Variants in PDE6D observed in about 807,000 individuals in gnomAD.
PDE6D encodes the protein phosphodiesterase 6D, also known as retinal rod rhodopsin-sensitive cGMP 3',5'-cyclic phosphodiesterase subunit delta.
A neutral mutation model predicts 21.9 loss-of-function variants in PDE6D; 10 were observed. That is an observed-to-expected ratio of 0.46 (90% CI 0.28 to 0.78). The LOEUF (loss-of-function observed/expected upper bound fraction) is 0.78, where lower values mean the gene tolerates loss of function less well. Ranked by LOEUF, PDE6D falls within the 30% of genes least tolerant of loss-of-function variation. The pLI is 0.12. For missense variants in PDE6D, 139 were observed against 184.8 expected (o/e 0.75, Z 1.44); for synonymous variants, 59 against 63.5 (o/e 0.93, Z 0.34).
chr2:231,771,296 T>A (rs2049013978), intron 1 of PDE6D, among the ~76,000 whole-genome samples: 1 of 152,040 alleles, frequency 6.6e-6, no homozygotes, highest in African/African-American at 2.4e-5. Flanking sequence ...AAACTCAAAA[T>A]TAATAATACA....
At chr2:231,737,324 G>A in intron 3 of PDE6D, 32 bp from the exon 4 acceptor site, 5 of 1,204,466 alleles carry the variant, frequency 4.2e-6, no homozygotes, top group Non-Finnish European at 6.2e-6. Flanking sequence ...GGGGTGAGCA[G>A]GTGCCCCAGT....
intron 1 of PDE6D, chr2:231,768,567 T>C (rs2048990922): frequency 6.6e-6 from 1 of 152,130 alleles, no homozygotes; most frequent in African/African-American, 2.4e-5. Context: ...TTTGTATTTT[T>C]AGTAGAGACA....
intron 1 of PDE6D, among the ~76,000 whole-genome samples, chr2:231,765,477 T>C (rs921603700): frequency 6.6e-6 from 1 of 152,184 alleles, no homozygotes; most frequent in Admixed American, 6.5e-5. Flanking sequence ...ATTCATGACT[T>C]GACAGAGTAC....
chr2:231,770,510 G>T (rs1285436226), intron 1 of PDE6D, among the ~76,000 whole-genome samples: 1 of 152,106 alleles, frequency 6.6e-6, no homozygotes, highest in Non-Finnish European at 1.5e-5. Flanking sequence ...AATAAATCTG[G>T]CTGTGACTTA....
chr2:231,741,138 A>G (rs1054981696), intron 1 of PDE6D, among the ~76,000 whole-genome samples: 59 of 138,032 alleles, frequency 4.3e-4, no homozygotes, highest in African/African-American at 1.6e-3. Context: ...AAAAAAAAAA[A>G]GGGTGTAGCA....
intron 3 of PDE6D, 105 bp from the exon 4 acceptor site, chr2:231,737,397 C>A (rs1374682736): frequency 3.3e-6 from 2 of 603,204 alleles, no homozygotes; most frequent in South Asian, 2.1e-5. Context: ...CTGAGAACCA[C>A]CAAAGGAAGC....
Position 231,781,119 on chromosome 2 carries a change from C to T in PDE6D, c.-5G>A. The T allele has an allele frequency of 6.2e-7, 1 of 1,611,282 alleles. No individual in the cohort carries two copies. Among genetic ancestry groups the T allele is most frequent in the East Asian group, 2.2e-5 (1 of 44,812 alleles). ...CCGCTCGTCCTTGGCTGACATGATG[C>T]GGCGGTCGCCGCCCGCGGCTTTCTC... On this transcript the variant is annotated 5_prime_UTR_variant, in exon 1 of 5. Coordinates refer to ENST00000287600, the MANE Select transcript of PDE6D (RefSeq NM_002601.4).
chr2:231,764,337 T>C (rs1044143403), intron 1 of PDE6D, among the ~76,000 whole-genome samples: 9 of 152,186 alleles, frequency 5.9e-5, no homozygotes, highest in Non-Finnish European at 7.4e-5. Context: ...ATTGCACCAC[T>C]GCACTACAGC....
At chr2:231,742,315 G>T (rs2048756143) in intron 1 of PDE6D, among the ~76,000 whole-genome samples, 1 of 152,042 alleles carries the variant, frequency 6.6e-6, no homozygotes, top group Admixed American at 6.6e-5. Context: ...TGGAGATGGG[G>T]TTTCTCCATG....
intron 1 of PDE6D, among the ~76,000 whole-genome samples, chr2:231,769,214 C>T (rs942322950): frequency 2.6e-5 from 4 of 152,128 alleles, no homozygotes; most frequent in South Asian, 2.1e-4. Flanking sequence ...TGATATGCCA[C>T]GTACAGATTC....
intron 4 of PDE6D, among the ~76,000 whole-genome samples, chr2:231,736,806 C>G (rs1315162474): frequency 6.6e-6 from 1 of 152,122 alleles, no homozygotes; most frequent in Non-Finnish European, 1.5e-5. Flanking sequence ...CAGTCTCCTT[C>G]CATGTCATCA....
intron 1 of PDE6D, among the ~76,000 whole-genome samples, chr2:231,777,192 T>C (rs945481982): frequency 1.3e-5 from 2 of 152,126 alleles, no homozygotes; most frequent in African/African-American, 2.4e-5. Flanking sequence ...AGAGGTAGGG[T>C]GAGATGGGGT....
chr2:231,774,772 G>A (rs2049041331), intron 1 of PDE6D, among the ~76,000 whole-genome samples: 1 of 151,808 alleles, frequency 6.6e-6, no homozygotes, highest in Admixed American at 6.6e-5. Context: ...TGTATTTTTA[G>A]TAGAGACGGG....
intron 1 of PDE6D, among the ~76,000 whole-genome samples, chr2:231,742,035 C>CT (rs745879222): frequency 6.6e-6 from 1 of 151,926 alleles, no homozygotes; most frequent in Non-Finnish European, 1.5e-5. Context: ...AATAAATAAG[C>CT]TAAAAAGGAT....
rs1215200924 is a variant in PDE6D at position 231,739,237 on chromosome 2, C to T, written c.51-49G>A. 3.5e-6 allele frequency: 4 copies of T among 1,137,212 alleles called. No homozygotes were observed. The highest frequency in any genetic ancestry group is 3.0e-5 in the African/African-American group (2 of 65,852). The allele number at this position is 1,137,212 out of a possible 1,614,324, so 70.4% of individuals were successfully genotyped here. On this transcript the variant is annotated intron_variant, in intron 1 of 4. Transcript: ENST00000287600. This position sits in a 1 kb window ranked among gnomAD's most constrained non-coding sequence, Gnocchi z 4.2. ...AATAAGGCACTGAAAGTGACTCCCACTTTGTATTCTAGGTGTCTCATGTTT... is the reference window on the plus strand; with the variant it reads ...AATAAGGCACTGAAAGTGACTCCCATTTTGTATTCTAGGTGTCTCATGTTT...
chr2:231,743,356 G>A (rs114124933), intron 1 of PDE6D, among the ~76,000 whole-genome samples: 8,387 of 150,524 alleles, frequency 0.056, 305 homozygotes, highest in Non-Finnish European at 0.079. Context: ...CAGAGGAGGC[G>A]GAGGTTGCAG....
At chr2:231,767,092 T>C (rs1390307361) in intron 1 of PDE6D, among the ~76,000 whole-genome samples, 9 of 150,264 alleles carry the variant, frequency 6.0e-5, no homozygotes, top group Non-Finnish European at 1.3e-4. Flanking sequence ...AGAGCCACAA[T>C]TAATTCCCAG....
chr2:231,779,434 G>A (rs1169121197), intron 1 of PDE6D: 1 of 152,102 alleles, frequency 6.6e-6, no homozygotes, highest in Non-Finnish European at 1.5e-5. Flanking sequence ...TCAGCAATAC[G>A]GTATTTCCAA....
intron 1 of PDE6D, among the ~76,000 whole-genome samples, chr2:231,749,501 A>C (rs1472912409): frequency 7.4e-6 from 1 of 134,278 alleles, no homozygotes; most frequent in Non-Finnish European, 1.6e-5. Flanking sequence ...CTCAGATGAG[A>C]CTTTTTTTTT....
Sources: allele counts gnomAD v4.1 joint callset (sites outside exome capture counted in the v4.1 genomes callset), GRCh38; gene constraint gnomAD v4.1.1; non-coding constraint Gnocchi (gnomAD v3.1); transcripts MANE v1.5; gene names NCBI Gene and HGNC (gene_info 2026-07-23, HGNC 2026-07-21).